TMEM132D: variants seen among roughly 807,000 people sequenced by gnomAD.
TMEM132D encodes mature OL transmembrane protein.
Under a neutral mutation model 62.3 loss-of-function variants are expected in TMEM132D, and 21 were observed. That is an observed-to-expected ratio of 0.34 (90% CI 0.24 to 0.49). TMEM132D has a LOEUF of 0.49. Among genes scored for constraint, TMEM132D ranks in the 20% least tolerant of loss-of-function variants. TMEM132D has a pLI of 0.99. For missense variants in TMEM132D, 1,346 were observed against 1,402.8 expected (o/e 0.96, Z 0.65); for synonymous variants, 621 against 575.6 (o/e 1.08, Z -1.13).
chr12:129,676,242 G>A (rs1880627821), intron 2 of TMEM132D, among the ~76,000 whole-genome samples: 1 of 152,156 alleles, frequency 6.6e-6, no homozygotes, highest in African/African-American at 2.4e-5. Context: ...TTGAGATGTA[G>A]TAGTAGTACT....
chr12:129,284,684 T>G (rs73422215), intron 4 of TMEM132D, among the ~76,000 whole-genome samples: 2 of 152,172 alleles, frequency 1.3e-5, no homozygotes, highest in African/African-American at 4.8e-5. Flanking sequence ...GGCGGATGCA[T>G]GGATTAACAA....
At chr12:129,380,532 GA>G (rs1473945487) in intron 3 of TMEM132D, among the ~76,000 whole-genome samples, 2 of 150,936 alleles carry the variant, frequency 1.3e-5, no homozygotes, top group Non-Finnish European at 2.9e-5. Flanking sequence ...ACAGATCTTA[GA>G]TTTCTCGGTT....
chr12:129,719,606 T>C (rs1255100256), intron 1 of TMEM132D, among the ~76,000 whole-genome samples: 3 of 152,212 alleles, frequency 2.0e-5, no homozygotes, highest in African/African-American at 4.8e-5. Flanking sequence ...GTTTCCCATA[T>C]GGAAAACTCT....
chr12:129,248,835 C>A (rs1384520016), intron 4 of TMEM132D, among the ~76,000 whole-genome samples: 1 of 152,152 alleles, frequency 6.6e-6, no homozygotes, highest in African/African-American at 2.4e-5. Flanking sequence ...ATAAGGATAA[C>A]GGCCTCCAGC....
chr12:129,075,129 T>C lies in TMEM132D; in HGVS notation c.2116-70A>G. 3.8e-6 allele frequency: 5 copies of C among 1,306,736 alleles called. No individual in the cohort carries two copies. In the East Asian group the frequency reaches 1.2e-4, roughly 31 times the overall value. The allele number at this position is 1,306,736 out of a possible 1,614,324, so 80.9% of individuals were successfully genotyped here. A position where few individuals can be genotyped will look rare whatever the true frequency, so the allele number is the denominator to read the frequency against. On this transcript the variant is annotated intron_variant, in intron 8 of 8. Transcript: ENST00000422113. Reference sequence around the variant, plus strand: ...CATTGAGCCCCAAGTCTTAGTACAGTAGACACACAACGGCAAAACTATTGC... The same window carrying C: ...CATTGAGCCCCAAGTCTTAGTACAGCAGACACACAACGGCAAAACTATTGC...
chr12:129,823,382 C>T (rs881002), intron 1 of TMEM132D, among the ~76,000 whole-genome samples: 12,013 of 152,330 alleles, frequency 0.079, 703 homozygotes, highest in East Asian at 0.32. Flanking sequence ...AGAAGAAAAG[C>T]AGGTGTCCTG....
At chr12:129,260,387 G>T (rs1048075000) in intron 4 of TMEM132D, among the ~76,000 whole-genome samples, 5 of 152,214 alleles carry the variant, frequency 3.3e-5, no homozygotes, top group Non-Finnish European at 5.9e-5. Flanking sequence ...AGTGGCTGGG[G>T]TGACAACTAG....
At chr12:129,818,685 C>T (rs1476570991) in intron 1 of TMEM132D, among the ~76,000 whole-genome samples, 4 of 151,672 alleles carry the variant, frequency 2.6e-5, no homozygotes, top group Non-Finnish European at 5.9e-5. Context: ...ATTTAACGGC[C>T]GTATCAGTGG....
chr12:129,184,466 T>C (rs1015148065), intron 5 of TMEM132D, among the ~76,000 whole-genome samples: 1 of 152,154 alleles, frequency 6.6e-6, no homozygotes, highest in African/African-American at 2.4e-5. Context: ...TTCTGGGCCG[T>C]CTGGCTGATC....
chr12:129,694,671 C>T (rs1366248230), intron 2 of TMEM132D, among the ~76,000 whole-genome samples: 1 of 152,192 alleles, frequency 6.6e-6, no homozygotes, highest in Non-Finnish European at 1.5e-5. Flanking sequence ...TGTTTCAGCA[C>T]CTCACTTCCG....
At chr12:129,183,534 C>T (rs1291742888) in intron 5 of TMEM132D, among the ~76,000 whole-genome samples, 1 of 152,242 alleles carries the variant, frequency 6.6e-6, no homozygotes, top group Non-Finnish European at 1.5e-5. Context: ...AGGAGCCTTG[C>T]TAGTGTTTTG....
chr12:129,663,108 G>A (rs551058663), intron 2 of TMEM132D, among the ~76,000 whole-genome samples: 1 of 151,974 alleles, frequency 6.6e-6, no homozygotes, highest in Admixed American at 6.6e-5. Context: ...AAAGGTGAAA[G>A]GCAAAAGGCA....
intron 5 of TMEM132D, among the ~76,000 whole-genome samples, chr12:129,097,138 G>A (rs564217045): frequency 6.6e-5 from 10 of 152,346 alleles, no homozygotes; most frequent in Admixed American, 3.9e-4. Context: ...GTTCTTTGCT[G>A]TAGGAGGCTA....
chr12:129,188,746 AGGGGGAGG>A (rs1299886246), intron 5 of TMEM132D, among the ~76,000 whole-genome samples: 7 of 142,674 alleles, frequency 4.9e-5, no homozygotes, highest in Admixed American at 1.4e-4. Context: ...AAGGAGGGAG[AGGGGGAGG>A]GAGAGAGGGA....
At chr12:129,403,097 A>G (rs1355530143) in intron 3 of TMEM132D, among the ~76,000 whole-genome samples, 2 of 152,102 alleles carry the variant, frequency 1.3e-5, no homozygotes, top group East Asian at 1.9e-4. Context: ...CTACATACAA[A>G]TAATTAGAGG....
At chr12:129,086,714 A>T (rs749748010) in intron 5 of TMEM132D, among the ~76,000 whole-genome samples, 2 of 147,500 alleles carry the variant, frequency 1.4e-5, no homozygotes, top group Non-Finnish European at 3.0e-5. Flanking sequence ...TTATATATAC[A>T]ATGTATATTG....
At position 129,706,316 on chromosome 12, in the gene TMEM132D, G is replaced by C. The variant is rs147529130; in HGVS notation, c.80-5618C>G. On this transcript the variant is annotated intron_variant, in intron 1 of 8. Transcript: ENST00000422113. ...ATAAACAACAAAAAGAATAGGCATAGATATTCTATAGAGAAAGAAAACTGG... is the reference window on the plus strand; with the variant it reads ...ATAAACAACAAAAAGAATAGGCATACATATTCTATAGAGAAAGAAAACTGG... 2.2e-3 allele frequency among the ~76,000 whole-genome samples: 337 copies of C among 151,950 alleles called. 2 individuals are homozygous for C. Among genetic ancestry groups the C allele is most frequent in the African/African-American group, 7.3e-3 (305 of 41,534 alleles).
At position 129,596,614 on chromosome 12, in the gene TMEM132D, A is replaced by G. The variant is rs116400115; in HGVS notation, c.969-65409T>C. On this transcript the variant is annotated intron_variant, in intron 2 of 8. Coordinates refer to ENST00000422113, the MANE Select transcript of TMEM132D (RefSeq NM_133448.3). ...ATACTTTAAATCATGTCTAGATTAC[A>G]TGTAATGCTTAATACAATATAAATG... 6.9e-3 allele frequency among the ~76,000 whole-genome samples: 1,046 copies of G among 152,290 alleles called. 11 individuals carry two copies. The highest frequency in any genetic ancestry group is 0.024 in the African/African-American group (997 of 41,546).
At chr12:129,348,190 C>A (rs555431600) in intron 3 of TMEM132D, among the ~76,000 whole-genome samples, 53 of 152,304 alleles carry the variant, frequency 3.5e-4, no homozygotes, top group Non-Finnish European at 7.5e-4. Context: ...TTTGACCCAG[C>A]AATCCCATTA....
Sources: gnomAD v4.1 joint callset for allele counts (sites outside exome capture counted in the v4.1 genomes callset) on GRCh38, gnomAD v4.1.1 for gene constraint, MANE v1.5 for transcripts, NCBI Gene and HGNC (gene_info 2026-07-23, HGNC 2026-07-21) for gene names.